RORA: variants seen among roughly 807,000 people sequenced by gnomAD.
RORA encodes the protein RAR related orphan receptor A, also known as nuclear receptor ROR-alpha.
A neutral mutation model predicts 69.5 loss-of-function variants in RORA; 7 were observed. The observed-to-expected ratio is 0.10, with a 90% CI of 0.06 to 0.19. The LOEUF is 0.19. Ranked by LOEUF, RORA falls within the 10% of genes least tolerant of loss-of-function variation. The pLI is 1.00. For missense variants in RORA, 457 were observed against 663.0 expected (o/e 0.69, Z 3.41); for synonymous variants, 261 against 240.8 (o/e 1.08, Z -0.78).
Position 60,635,749 on chromosome 15 carries a change from G to A in RORA, c.196+42908C>T, listed in dbSNP as rs114024848. 5.7e-3 allele frequency among the ~76,000 whole-genome samples: 868 copies of A among 152,220 alleles called. 8 individuals are homozygous for A. Among genetic ancestry groups the A allele is most frequent in the African/African-American group, 0.019 (781 of 41,536 alleles). On this transcript the variant is annotated intron_variant, in intron 2 of 10. Coordinates refer to ENST00000335670, the MANE Select transcript of RORA (RefSeq NM_134261.3). ...TCCACTTCCTTAGAAACAGAGACAC[G>A]CTGAAGATCGTTAGGGTAAATGAGT...
At chr15:60,653,195 C>T (rs1308647938) in intron 2 of RORA, among the ~76,000 whole-genome samples, 1 of 152,164 alleles carries the variant, frequency 6.6e-6, no homozygotes, top group East Asian at 1.9e-4. Flanking sequence ...TTGGGCAAAG[C>T]CCAAACCCTT....
In RORA at chr15:60,609,357, A is replaced by T. The variant is rs1041775397; in HGVS notation, c.196+69300T>A. Among the ~76,000 whole-genome samples the T allele has an allele frequency of 5.3e-5, 8 of 152,294 alleles. No homozygotes were observed. The East Asian group carries it at 1.5e-3, about 29-fold the overall frequency. ...ACTTAATTAGGCAAAATAACATGGA[A>T]CATTAATGGCAGGGATTTTAGAGGA... On this transcript the variant is annotated intron_variant, in intron 2 of 10. Coordinates refer to ENST00000335670, the MANE Select transcript of RORA (RefSeq NM_134261.3).
intron 1 of RORA, among the ~76,000 whole-genome samples, chr15:60,715,205 T>G (rs1347826691): frequency 6.6e-6 from 1 of 152,194 alleles, no homozygotes; most frequent in Non-Finnish European, 1.5e-5. Flanking sequence ...GTGTCATCAT[T>G]TCCATGGGAA....
At chr15:60,847,352 C>T (rs2140410062) in intron 1 of RORA, among the ~76,000 whole-genome samples, 1 of 151,936 alleles carries the variant, frequency 6.6e-6, no homozygotes, top group South Asian at 2.1e-4. Flanking sequence ...TGTGGCTGAA[C>T]CTCATCAGCT....
At chr15:60,763,374 T>A (rs2071929001) in intron 1 of RORA, among the ~76,000 whole-genome samples, 1 of 152,146 alleles carries the variant, frequency 6.6e-6, no homozygotes, top group Non-Finnish European at 1.5e-5. Flanking sequence ...CAGTGTCTCC[T>A]ACCAGGGAAA....
At chr15:60,875,572 A>G (rs1292598939) in intron 1 of RORA, among the ~76,000 whole-genome samples, 1 of 152,226 alleles carries the variant, frequency 6.6e-6, no homozygotes, top group Non-Finnish European at 1.5e-5. Context: ...GGACTCACTC[A>G]GTTCAATAAC....
chr15:60,516,756 T>C lies in RORA; in HGVS notation c.283-1999A>G, dbSNP rs377645318. On this transcript the variant is annotated intron_variant, in intron 3 of 10. Coordinates refer to ENST00000335670, the MANE Select transcript of RORA (RefSeq NM_134261.3). ...GAAATATTTAGAATGCTACAAAGATTTTCCTACAAGGGTGTTCTTCACAGT... is the reference window on the plus strand; with the variant it reads ...GAAATATTTAGAATGCTACAAAGATCTTCCTACAAGGGTGTTCTTCACAGT... 1.4e-4 allele frequency among the ~76,000 whole-genome samples: 21 copies of C among 152,260 alleles called. No homozygotes were observed. In the East Asian group the frequency reaches 1.7e-3, roughly 13 times the overall value.
intron 1 of RORA, among the ~76,000 whole-genome samples, chr15:60,954,348 C>T (rs1215848949): frequency 2.1e-5 from 3 of 145,694 alleles, no homozygotes; most frequent in Non-Finnish European, 3.0e-5. Flanking sequence ...TGCTAGATGA[C>T]GAGTTAGTGG....
chr15:60,958,063 T>C (rs1409068774), intron 1 of RORA, among the ~76,000 whole-genome samples: 1 of 152,206 alleles, frequency 6.6e-6, no homozygotes, highest in Non-Finnish European at 1.5e-5. Flanking sequence ...ATTTCTTCAA[T>C]TGGATAAATA....
chr15:61,158,036 C>A (rs1049321705), intron 1 of RORA, among the ~76,000 whole-genome samples: 1 of 152,190 alleles, frequency 6.6e-6, no homozygotes, highest in South Asian at 2.1e-4. Context: ...CAAAGCCCAA[C>A]CCCAGCTGCA....
At chr15:60,850,586 A>G (rs1157340048) in intron 1 of RORA, among the ~76,000 whole-genome samples, 1 of 152,292 alleles carries the variant, frequency 6.6e-6, no homozygotes, top group African/African-American at 2.4e-5. Context: ...TGCCTGGTGC[A>G]TGGTAAGTGC....
At chr15:60,939,060 C>T (rs1174780801) in intron 1 of RORA, among the ~76,000 whole-genome samples, 3 of 152,222 alleles carry the variant, frequency 2.0e-5, no homozygotes, top group Non-Finnish European at 4.4e-5. Flanking sequence ...CAACTTGCTA[C>T]GTCCTGTAGC....
At chr15:60,526,059 A>G (rs890239962) in intron 3 of RORA, among the ~76,000 whole-genome samples, 2 of 152,226 alleles carry the variant, frequency 1.3e-5, no homozygotes, top group African/African-American at 4.8e-5. Flanking sequence ...TCAAAGAAGC[A>G]TATGAGGAAA....
chr15:60,707,425 G>A (rs188138036), intron 1 of RORA, among the ~76,000 whole-genome samples: 57 of 151,334 alleles, frequency 3.8e-4, no homozygotes, highest in Non-Finnish European at 7.5e-4. Context: ...GTGCAATGGC[G>A]TGATCTCGGC....
Position 60,488,494 on chromosome 15 carries a change from T to C in RORA, c.*8961A>G, listed in dbSNP as rs917195291. 6.6e-6 allele frequency: 1 copy of C among 152,086 alleles called. No homozygotes were observed. The highest frequency in any genetic ancestry group is 2.4e-5 in the African/African-American group (1 of 41,404). 9.4% of individuals were successfully genotyped at this position (152,086 alleles called of 1,614,324 possible). On this transcript the variant is annotated 3_prime_UTR_variant, in exon 11 of 11. Coordinates refer to ENST00000335670, the MANE Select transcript of RORA (RefSeq NM_134261.3). ...TTTTGTACAGCTTGTATTTACAAAATGAATCAAAATATTTTTTTTTTAAAT... is the reference window on the plus strand; with the variant it reads ...TTTTGTACAGCTTGTATTTACAAAACGAATCAAAATATTTTTTTTTTAAAT...
At chr15:60,577,312 T>C (rs957521313) in intron 2 of RORA, among the ~76,000 whole-genome samples, 1 of 152,208 alleles carries the variant, frequency 6.6e-6, no homozygotes, top group Non-Finnish European at 1.5e-5. Context: ...GCAAGAGCTC[T>C]CAAACTTTTT....
chr15:60,561,066 T>TG (rs1555431315), intron 2 of RORA, among the ~76,000 whole-genome samples: 1 of 131,666 alleles, frequency 7.6e-6, no homozygotes, highest in Non-Finnish European at 1.5e-5. Flanking sequence ...GTTTTTTTTT[T>TG]TTTTGTTTTG....
At chr15:61,059,802 T>C (rs756030238) in intron 1 of RORA, among the ~76,000 whole-genome samples, 5 of 151,970 alleles carry the variant, frequency 3.3e-5, no homozygotes, top group Non-Finnish European at 5.9e-5. Flanking sequence ...TGGCAGCCAA[T>C]CACTCTAATC....
At chr15:61,123,617 G>A (rs2079120714) in intron 1 of RORA, among the ~76,000 whole-genome samples, 1 of 152,172 alleles carries the variant, frequency 6.6e-6, no homozygotes, top group South Asian at 2.1e-4. Flanking sequence ...GTTGATGCTT[G>A]GGCTCCACAG....
Sources: gnomAD v4.1 joint callset for allele counts (sites outside exome capture counted in the v4.1 genomes callset) on GRCh38, gnomAD v4.1.1 for gene constraint, MANE v1.5 for transcripts, NCBI Gene and HGNC (gene_info 2026-07-23, HGNC 2026-07-21) for gene names.